The following TECPR2 variants were observed in gnomAD, a reference collection of about 807,000 sequenced individuals.
The protein encoded by TECPR2 is tectonin beta-propeller repeat containing 2, also known as tectonin beta-propeller repeat-containing protein 2.
In TECPR2, 65 loss-of-function variants were observed where a neutral mutation model predicts 138.1. That is an observed-to-expected ratio of 0.47 (90% CI 0.39 to 0.58). The LOEUF is 0.58. TECPR2 is among the 20% of genes least tolerant of loss of function. The pLI is 0.00. For missense variants in TECPR2, 1,553 were observed against 1,824.5 expected, an observed-to-expected ratio of 0.85 and a Z score of 2.71; for synonymous variants, 746 against 749.8, an observed-to-expected ratio of 0.99 and a Z score of 0.08.
intron 10 of TECPR2, among the ~76,000 whole-genome samples, chr14:102,439,506 A>C (rs1045192946): frequency 1.3e-5 from 2 of 151,534 alleles, no homozygotes; most frequent in Non-Finnish European, 2.9e-5. Context: ...GTGTGTTTTA[A>C]TTCATTTCTC....
At chr14:102,404,450 A>T (rs1011225954) in intron 2 of TECPR2, among the ~76,000 whole-genome samples, 4 of 152,212 alleles carry the variant, frequency 2.6e-5, no homozygotes, top group Admixed American at 6.6e-5. Flanking sequence ...TCATTGAAAC[A>T]GTGTATTGGA....
intron 16 of TECPR2, among the ~76,000 whole-genome samples, chr14:102,462,073 A>G (rs926804888): frequency 2.0e-5 from 3 of 152,176 alleles, no homozygotes; most frequent in Non-Finnish European, 2.9e-5. Flanking sequence ...GTGTTCTGAA[A>G]GGTTGTTCAC....
At chr14:102,399,692 G>A (rs757731925) in intron 2 of TECPR2, among the ~76,000 whole-genome samples, 6 of 151,992 alleles carry the variant, frequency 3.9e-5, no homozygotes, top group Non-Finnish European at 8.8e-5. Context: ...ACCTAAGTGT[G>A]GTGGCTTGTG....
chr14:102,363,205 C>T (rs1887230480), intron 1 of TECPR2, 89 bp downstream of exon 1: 1 of 271,870 alleles, frequency 3.7e-6, no homozygotes, highest in African/African-American at 2.2e-5. Flanking sequence ...CCCCGGGCCA[C>T]TCTTCCCTTG....
intron 2 of TECPR2, among the ~76,000 whole-genome samples, chr14:102,383,272 A>C (rs1198395736): frequency 6.6e-6 from 1 of 152,180 alleles, no homozygotes; most frequent in Non-Finnish European, 1.5e-5. Context: ...TTAATTCACT[A>C]TTAAGTAACC....
chr14:102,456,841 A>G (rs932706626), intron 16 of TECPR2, among the ~76,000 whole-genome samples: 1 of 151,730 alleles, frequency 6.6e-6, no homozygotes, highest in African/African-American at 2.4e-5. Context: ...TGCTCGCCTC[A>G]GCCTCCCAAA....
At chr14:102,493,463 G>A (rs1891201636) in intron 17 of TECPR2, among the ~76,000 whole-genome samples, 2 of 152,212 alleles carry the variant, frequency 1.3e-5, no homozygotes, top group South Asian at 4.1e-4. Context: ...TGGGGGCTTA[G>A]CCTAGAACAG....
intron 17 of TECPR2, among the ~76,000 whole-genome samples, chr14:102,473,546 G>A (rs2045489322): frequency 1.3e-5 from 2 of 152,204 alleles, no homozygotes; most frequent in South Asian, 2.1e-4. Flanking sequence ...AGATGCTCAA[G>A]GGCACATGAA....
At chr14:102,445,241 G>T (rs1595130134) in intron 12 of TECPR2, among the ~76,000 whole-genome samples, 1 of 152,222 alleles carries the variant, frequency 6.6e-6, no homozygotes, top group Non-Finnish European at 1.5e-5. Flanking sequence ...GGGGGAGGGC[G>T]TCTCCAGCAA....
At chr14:102,429,472 TTG>T (rs1187106397) in intron 7 of TECPR2, among the ~76,000 whole-genome samples, 3 of 152,214 alleles carry the variant, frequency 2.0e-5, no homozygotes, top group Non-Finnish European at 2.9e-5. Context: ...TTGACATTTT[TTG>T]GTAATTCATA....
At chr14:102,417,439 G>A (rs1889056443) in intron 5 of TECPR2, among the ~76,000 whole-genome samples, 3 of 152,210 alleles carry the variant, frequency 2.0e-5, no homozygotes, top group Non-Finnish European at 2.9e-5. Flanking sequence ...CGGTCAGCAG[G>A]AGGAGAGTAG....
chr14:102,471,435 A>C (rs1024824156), intron 17 of TECPR2, among the ~76,000 whole-genome samples: 3 of 151,896 alleles, frequency 2.0e-5, no homozygotes. Flanking sequence ...GGCTGGGCAC[A>C]GTGGCTCATG....
rs117112831 is a variant in TECPR2 at position 102,376,743 on chromosome 14, G to C, written c.22G>C (p.Val8Leu). The C allele has an allele frequency of 7.3e-5, 118 of 1,614,204 alleles. No homozygotes were observed. The highest frequency in any genetic ancestry group is 8.4e-5 in the Non-Finnish European group (99 of 1,180,042). ...GGCCATGGCATCGATATCAGAGCCT[G>C]TTACATTCAGAGAGTTCTGCCCGTT... is the stretch of plus-strand genomic sequence containing the variant. MASISEP[V>L]TFREFCPLYY... is the part of the protein sequence containing the mutation. The change falls in exon 2 of 20, where the codon GTT (valine) becomes CTT (leucine). Residue 8 changes from valine (V) to leucine (L), a missense_variant. By Grantham distance (32) the Val-to-Leu change is conservative. Coordinates refer to ENST00000359520, the MANE Select transcript of TECPR2 (RefSeq NM_014844.5).
At chr14:102,485,199 C>T (rs77176420) in intron 17 of TECPR2, among the ~76,000 whole-genome samples, 1,582 of 152,328 alleles carry the variant, frequency 0.01, 31 homozygotes, top group African/African-American at 0.036. Context: ...AGCCTCTGAA[C>T]ATCTTTGAGT....
At chr14:102,427,684 C>T (rs967710726) in intron 6 of TECPR2, among the ~76,000 whole-genome samples, 3 of 152,146 alleles carry the variant, frequency 2.0e-5, no homozygotes, top group South Asian at 2.1e-4. Context: ...AGTTGCAGTG[C>T]GCACTGGCCT....
At chr14:102,374,882 T>C (rs972996789) in intron 1 of TECPR2, among the ~76,000 whole-genome samples, 1 of 152,212 alleles carries the variant, frequency 6.6e-6, no homozygotes, top group Non-Finnish European at 1.5e-5. Flanking sequence ...ACTTGCTGAA[T>C]GCCTCTGATG....
At chr14:102,395,089 G>A (rs537354878) in intron 2 of TECPR2, among the ~76,000 whole-genome samples, 1 of 152,160 alleles carries the variant, frequency 6.6e-6, no homozygotes, top group African/African-American at 2.4e-5. Context: ...CCTAGATCAC[G>A]ATCTGACACT....
chr14:102,456,424 A>G (rs1890277210), intron 16 of TECPR2, among the ~76,000 whole-genome samples: 1 of 152,110 alleles, frequency 6.6e-6, no homozygotes, highest in Non-Finnish European at 1.5e-5. Context: ...CAGCAAGTCC[A>G]GGGTTGGCAG....
chr14:102,473,607 C>T (rs967378056), intron 17 of TECPR2, among the ~76,000 whole-genome samples: 11 of 152,204 alleles, frequency 7.2e-5, no homozygotes, highest in African/African-American at 2.7e-4. Flanking sequence ...CTATTTAGTT[C>T]TGTTGTCCTA....
Sources: allele counts gnomAD v4.1 joint callset (sites outside exome capture counted in the v4.1 genomes callset), GRCh38; gene constraint gnomAD v4.1.1; transcripts MANE v1.5; gene names NCBI Gene and HGNC (gene_info 2026-07-23, HGNC 2026-07-21).